The following CIMIP5 variants were observed in gnomAD, a reference collection of about 807,000 sequenced individuals.
CIMIP5 encodes the protein ciliary microtubule inner protein 5.
the CIMIP5 span, among the ~76,000 whole-genome samples, chr2:11,140,086 C>CAAAAAAAAAAAAAAAAAAAAAA: frequency 1.2e-5 from 1 of 84,796 alleles, no homozygotes; most frequent in African/African-American, 5.4e-5. Flanking sequence ...GACTCCCTCT[C>CAAAAAAAAAAAAAAAAAAAAAA]AAAAAAAAAA....
At chr2:11,136,853 G>A in the CIMIP5 span, among the ~76,000 whole-genome samples, 1 of 152,204 alleles carries the variant, frequency 6.6e-6, no homozygotes, top group Admixed American at 6.5e-5. Flanking sequence ...GATCAGAAGA[G>A]GCGAGGATGC....
chr2:11,143,930 A>C, the CIMIP5 span: 1 of 1,587,698 alleles, frequency 6.3e-7, no homozygotes, highest in Non-Finnish European at 8.6e-7. Flanking sequence ...GGCAACAAGA[A>C]GGAGCCTGAG....
chr2:11,136,152 A>G, the CIMIP5 span, among the ~76,000 whole-genome samples: 2 of 152,256 alleles, frequency 1.3e-5, no homozygotes, highest in East Asian at 1.9e-4. Context: ...CCATCTGTCT[A>G]TCTGCTTTTG....
the CIMIP5 span, among the ~76,000 whole-genome samples, chr2:11,143,680 GCATGAA>G: frequency 6.6e-6 from 1 of 152,134 alleles, no homozygotes; most frequent in South Asian, 2.1e-4. Context: ...GCAGGTCGCA[GCATGAA>G]AGTTAAGGGA....
chr2:11,139,714 G>A, the CIMIP5 span, among the ~76,000 whole-genome samples: 2 of 152,318 alleles, frequency 1.3e-5, no homozygotes, highest in African/African-American at 4.8e-5. Context: ...AAAAGTCATT[G>A]GAAATTGAAA....
the CIMIP5 span, chr2:11,146,026 A>G: frequency 6.6e-6 from 1 of 152,212 alleles, no homozygotes; most frequent in Non-Finnish European, 1.5e-5. Flanking sequence ...CCGAACATAC[A>G]TTAATGCCAG....
the CIMIP5 span, among the ~76,000 whole-genome samples, chr2:11,139,855 G>A: frequency 6.6e-6 from 1 of 152,026 alleles, no homozygotes; most frequent in African/African-American, 2.4e-5. Flanking sequence ...GGGAGGCCAA[G>A]GTGGGTGGAC....
chr2:11,143,435 G>T, the CIMIP5 span, among the ~76,000 whole-genome samples: 1 of 152,176 alleles, frequency 6.6e-6, no homozygotes, highest in Admixed American at 6.5e-5. Context: ...CTGAAAGGAG[G>T]TGGGGGAGGG....
the CIMIP5 span, among the ~76,000 whole-genome samples, chr2:11,149,171 G>A: frequency 3.3e-5 from 5 of 152,054 alleles, no homozygotes; most frequent in African/African-American, 9.7e-5. Context: ...CTTAGAGAAC[G>A]GTAAATGCTG....
chr2:11,151,089 G>T, the CIMIP5 span, among the ~76,000 whole-genome samples: 7 of 152,122 alleles, frequency 4.6e-5, no homozygotes, highest in Non-Finnish European at 8.8e-5. Flanking sequence ...TCACTGAAAG[G>T]CTGATCAAGG....
At chr2:11,142,795 C>T in the CIMIP5 span, among the ~76,000 whole-genome samples, 1 of 147,576 alleles carries the variant, frequency 6.8e-6, no homozygotes, top group South Asian at 2.2e-4. Flanking sequence ...TCATGGCTCA[C>T]TGCAGCCTCA....
chr2:11,143,429 AAGG>A, the CIMIP5 span, among the ~76,000 whole-genome samples: 196 of 152,162 alleles, frequency 1.3e-3, no homozygotes, highest in African/African-American at 4.4e-3. Context: ...GAGGGGCTGA[AAGG>A]AGGTGGGGGA....
the CIMIP5 span, among the ~76,000 whole-genome samples, chr2:11,150,837 C>T: frequency 4.6e-5 from 7 of 150,938 alleles, no homozygotes; most frequent in Non-Finnish European, 1.0e-4. Flanking sequence ...TTGTGGGCCT[C>T]AAGATCTTTA....
At chr2:11,144,821 C>CT in the CIMIP5 span, 111,414 of 146,424 alleles carry the variant, frequency 0.76, 45,275 homozygotes, top group East Asian at 0.95. Flanking sequence ...CTCTCTCTCT[C>CT]TTTTTTTTTT....
At chr2:11,133,558 T>G in the CIMIP5 span, 6 of 1,604,980 alleles carry the variant, frequency 3.7e-6, no homozygotes, top group Non-Finnish European at 5.1e-6. Context: ...TGGCGGGAGC[T>G]CCTGGAGGCC....
the CIMIP5 span, among the ~76,000 whole-genome samples, chr2:11,150,741 G>C: frequency 1.3e-5 from 2 of 151,726 alleles, no homozygotes; most frequent in Non-Finnish European, 2.9e-5. Flanking sequence ...CTGGGAACCT[G>C]CCTCCCATTT....
At chr2:11,148,021 G>T in the CIMIP5 span, among the ~76,000 whole-genome samples, 1 of 152,126 alleles carries the variant, frequency 6.6e-6, no homozygotes, top group Non-Finnish European at 1.5e-5. Context: ...AAAGAGATGG[G>T]CACTTGGAGA....
At chr2:11,137,756 C>T in the CIMIP5 span, among the ~76,000 whole-genome samples, 9 of 152,208 alleles carry the variant, frequency 5.9e-5, no homozygotes, top group Non-Finnish European at 1.3e-4. Flanking sequence ...AGGAAAAGAC[C>T]AGCCTGTGAT....
At chr2:11,137,641 G>A in the CIMIP5 span, among the ~76,000 whole-genome samples, 1 of 152,272 alleles carries the variant, frequency 6.6e-6, no homozygotes, top group East Asian at 1.9e-4. Context: ...CCAAAGAAAT[G>A]CATGAGTCCA....
Sources: allele counts gnomAD v4.1 joint callset (sites outside exome capture counted in the v4.1 genomes callset), GRCh38; gene constraint gnomAD v4.1.1; transcripts MANE v1.5; gene names NCBI Gene and HGNC (gene_info 2026-07-23, HGNC 2026-07-21).